Variants in LUZP2 observed in about 807,000 individuals in gnomAD.
LUZP2 encodes the protein leucine zipper protein 2.
In LUZP2, 52 loss-of-function variants were observed where a neutral mutation model predicts 51.6. That is an observed-to-expected ratio of 1.01 (90% confidence interval 0.81 to 1.27). LUZP2 has a LOEUF of 1.27. Among genes scored for constraint, LUZP2 ranks in the 50% most tolerant of loss-of-function variants. LUZP2 has a pLI of 0.00. For missense variants in LUZP2, 436 were observed against 395.4 expected (o/e 1.10, Z -0.87); for synonymous variants, 154 against 137.3 (o/e 1.12, Z -0.85).
chr11:24,686,032 C>T (rs577286571), intron 1 of LUZP2, among the ~76,000 whole-genome samples: 35 of 152,200 alleles, frequency 2.3e-4, no homozygotes, highest in African/African-American at 8.2e-4. Context: ...TCATTCCTCT[C>T]AAATTTACGA....
intron 3 of LUZP2, among the ~76,000 whole-genome samples, chr11:24,735,666 G>T (rs970559417): frequency 6.6e-6 from 1 of 151,794 alleles, no homozygotes; most frequent in African/African-American, 2.4e-5. Context: ...CTATAATTTG[G>T]GATGAAAGAG....
intron 7 of LUZP2, among the ~76,000 whole-genome samples, chr11:24,960,124 T>G (rs1735755713): frequency 1.3e-5 from 2 of 152,266 alleles, no homozygotes; most frequent in East Asian, 1.9e-4. Flanking sequence ...TGGATAAGCT[T>G]TTTGATGTGC....
intron 9 of LUZP2, among the ~76,000 whole-genome samples, chr11:25,005,405 C>A (rs1291239626): frequency 6.6e-6 from 1 of 152,148 alleles, no homozygotes; most frequent in East Asian, 1.9e-4. Context: ...GGTCAAGCTG[C>A]AGGATAGTTT....
At chr11:24,924,936 A>C (rs1345361813) in intron 7 of LUZP2, among the ~76,000 whole-genome samples, 1 of 152,152 alleles carries the variant, frequency 6.6e-6, no homozygotes, top group Admixed American at 6.5e-5. Context: ...AGCAGGATTC[A>C]GAGAGAATAG....
intron 9 of LUZP2, among the ~76,000 whole-genome samples, chr11:25,000,877 A>G (rs1220137682): frequency 3.3e-5 from 5 of 151,608 alleles, no homozygotes; most frequent in Non-Finnish European, 5.9e-5. Flanking sequence ...TACTGAATAG[A>G]TTTTGTTATT....
chr11:24,926,509 G>GTGTA (rs1854270204), intron 7 of LUZP2, among the ~76,000 whole-genome samples: 1 of 138,028 alleles, frequency 7.2e-6, no homozygotes, highest in Non-Finnish European at 1.6e-5. Context: ...ATATGTGTGT[G>GTGTA]TATATACGTG....
chr11:24,620,154 C>T (rs1379319213), intron 1 of LUZP2, among the ~76,000 whole-genome samples: 3 of 151,980 alleles, frequency 2.0e-5, no homozygotes, highest in Non-Finnish European at 4.4e-5. Flanking sequence ...TCTGTAATTC[C>T]ACAGAAAACA....
At chr11:24,874,515 C>A (rs1026883385) in intron 5 of LUZP2, among the ~76,000 whole-genome samples, 4 of 152,084 alleles carry the variant, frequency 2.6e-5, no homozygotes, top group Non-Finnish European at 4.4e-5. Context: ...CACTCCAATC[C>A]CACTGTGCCA....
At chr11:25,078,108 G>A (rs1028559144) in intron 11 of LUZP2, among the ~76,000 whole-genome samples, 2 of 152,132 alleles carry the variant, frequency 1.3e-5, no homozygotes, top group African/African-American at 2.4e-5. Context: ...GTGAAAAGAA[G>A]TACATATTAC....
chr11:24,672,336 G>A (rs955405909), intron 1 of LUZP2, among the ~76,000 whole-genome samples: 12 of 152,004 alleles, frequency 7.9e-5, no homozygotes, highest in African/African-American at 2.9e-4. Context: ...TAATTTTTGT[G>A]TATTTAGTTT....
chr11:25,005,109 C>A (rs1463067996), intron 9 of LUZP2, among the ~76,000 whole-genome samples: 1 of 152,114 alleles, frequency 6.6e-6, no homozygotes, highest in Non-Finnish European at 1.5e-5. Flanking sequence ...CCAGGTTGGA[C>A]CAAATTCCCC....
intron 5 of LUZP2, among the ~76,000 whole-genome samples, chr11:24,778,183 T>C (rs1246045930): frequency 2.0e-5 from 3 of 152,176 alleles, no homozygotes; most frequent in Non-Finnish European, 4.4e-5. Flanking sequence ...AGAGGAATGC[T>C]TGAGTCCAAG....
chr11:24,620,816 A>T (rs188986330), intron 1 of LUZP2, among the ~76,000 whole-genome samples: 1 of 152,334 alleles, frequency 6.6e-6, no homozygotes, highest in Non-Finnish European at 1.5e-5. Flanking sequence ...AAGTCAAAGC[A>T]ATTAAGTCAT....
At chr11:24,661,987 G>A (rs1856036422) in intron 1 of LUZP2, among the ~76,000 whole-genome samples, 1 of 151,856 alleles carries the variant, frequency 6.6e-6, no homozygotes, top group Non-Finnish European at 1.5e-5. Flanking sequence ...AGTAACTTAG[G>A]CAGATTTTCC....
intron 1 of LUZP2, among the ~76,000 whole-genome samples, chr11:24,563,141 G>C (rs1289071193): frequency 1.3e-5 from 2 of 152,128 alleles, no homozygotes; most frequent in Non-Finnish European, 2.9e-5. Flanking sequence ...AGAAGACAAG[G>C]CATTCGGAAG....
intron 7 of LUZP2, among the ~76,000 whole-genome samples, chr11:24,925,858 T>C (rs1854211081): frequency 6.6e-6 from 1 of 152,078 alleles, no homozygotes; most frequent in Non-Finnish European, 1.5e-5. Flanking sequence ...CAGAGTACAC[T>C]GTACCCAATG....
chr11:24,602,080 ATG>A (rs1243203600), intron 1 of LUZP2, among the ~76,000 whole-genome samples: 14 of 124,512 alleles, frequency 1.1e-4, no homozygotes, highest in African/African-American at 2.8e-4. Flanking sequence ...ATGCGTATAT[ATG>A]TGTATATATG....
intron 7 of LUZP2, among the ~76,000 whole-genome samples, chr11:24,960,531 C>A (rs867419020): frequency 3.3e-5 from 5 of 152,018 alleles, no homozygotes; most frequent in African/African-American, 7.2e-5. Context: ...AGTTTATTTG[C>A]GTAGAGGTGT....
chr11:25,033,105 A>G (rs1192809240), intron 9 of LUZP2, among the ~76,000 whole-genome samples: 1 of 152,214 alleles, frequency 6.6e-6, no homozygotes, highest in East Asian at 1.9e-4. Context: ...ACTTCAGGTT[A>G]CAGCCATTAG....
Sources: gnomAD v4.1 joint callset for allele counts (sites outside exome capture counted in the v4.1 genomes callset) on GRCh38, gnomAD v4.1.1 for gene constraint, MANE v1.5 for transcripts, NCBI Gene and HGNC (gene_info 2026-07-23, HGNC 2026-07-21) for gene names.